DLG2: variants seen among roughly 807,000 people sequenced by gnomAD.
DLG2 encodes the protein discs large MAGUK scaffold protein 2.
A neutral mutation model predicts 132.5 loss-of-function variants in DLG2; 45 were observed. That is an observed-to-expected ratio of 0.34 (90% CI 0.27 to 0.44). The LOEUF is 0.44. Ranked by LOEUF, DLG2 falls within the 20% of genes least tolerant of loss-of-function variation. DLG2 has a pLI of 1.00. For missense variants in DLG2, 1,045 were observed against 1,196.9 expected (o/e 0.87, Z 1.87); for synonymous variants, 424 against 419.6 (o/e 1.01, Z -0.13).
intron 6 of DLG2, among the ~76,000 whole-genome samples, chr11:85,069,600 G>A (rs1228948882): frequency 6.6e-6 from 1 of 152,138 alleles, no homozygotes; most frequent in African/African-American, 2.4e-5. Context: ...AAACCACAAT[G>A]AGATACCATC....
At chr11:85,438,155 G>A (rs1272004696) in intron 3 of DLG2, among the ~76,000 whole-genome samples, 1 of 152,084 alleles carries the variant, frequency 6.6e-6, no homozygotes, top group Non-Finnish European at 1.5e-5. Context: ...TTTTAACACA[G>A]AGATCTGGTG....
chr11:84,622,325 G>T lies in DLG2; in HGVS notation c.358-87594C>A, dbSNP rs1161430612. Among the ~76,000 whole-genome samples, 5 of 152,250 alleles carry T rather than the reference G, an allele frequency of 3.3e-5. No individual in the cohort carries two copies. In the East Asian group the frequency reaches 9.7e-4, roughly 29 times the overall value. On this transcript the variant is annotated intron_variant, in intron 6 of 27. Transcript: ENST00000376104. ...CCACCAGAAAGAGTCTTTCTTGATA[G>T]GAGCATATGACTGTATAGAATGCTA... is the stretch of plus-strand genomic sequence containing the variant.
chr11:85,251,872 C>T (rs141073185), intron 4 of DLG2, among the ~76,000 whole-genome samples: 23 of 152,170 alleles, frequency 1.5e-4, no homozygotes, highest in African/African-American at 4.8e-4. Context: ...TTTTTGAACT[C>T]TAAATAAATA....
intron 4 of DLG2, among the ~76,000 whole-genome samples, chr11:85,237,035 TTCA>T (rs2075623333): frequency 6.6e-6 from 1 of 152,056 alleles, no homozygotes; most frequent in Non-Finnish European, 1.5e-5. Context: ...GAAGCCAAGC[TTCA>T]TGAGACCATA....
intron 6 of DLG2, among the ~76,000 whole-genome samples, chr11:84,974,826 C>T (rs1484598465): frequency 3.3e-5 from 5 of 152,154 alleles, no homozygotes; most frequent in Non-Finnish European, 7.4e-5. Context: ...GTGATGCATG[C>T]TAGAGTTTGA....
At chr11:84,031,263 C>T (rs565337170) in intron 11 of DLG2, among the ~76,000 whole-genome samples, 12 of 150,062 alleles carry the variant, frequency 8.0e-5, no homozygotes, top group Admixed American at 1.3e-4. Context: ...ATATAGGAAG[C>T]AAATAGGTTG....
intron 3 of DLG2, among the ~76,000 whole-genome samples, chr11:85,396,580 T>C (rs781117216): frequency 2.0e-5 from 3 of 152,106 alleles, no homozygotes; most frequent in Non-Finnish European, 4.4e-5. Context: ...GAGAAGATCT[T>C]AAATGACCTG....
intron 6 of DLG2, among the ~76,000 whole-genome samples, chr11:84,983,186 A>G (rs117478821): frequency 0.025 from 3,783 of 152,276 alleles, 72 homozygotes; most frequent in Middle Eastern, 0.044. Context: ...GCAGGAATAC[A>G]CTAGGAAAGC....
intron 6 of DLG2, among the ~76,000 whole-genome samples, chr11:84,938,501 A>C (rs1386667877): frequency 6.6e-6 from 1 of 152,200 alleles, no homozygotes; most frequent in African/African-American, 2.4e-5. Flanking sequence ...TTAGATTTTG[A>C]AAGTCTTATA....
intron 4 of DLG2, among the ~76,000 whole-genome samples, chr11:85,277,461 T>C (rs1473782338): frequency 6.6e-6 from 1 of 152,204 alleles, no homozygotes; most frequent in Non-Finnish European, 1.5e-5. Flanking sequence ...TCTAATTTCA[T>C]TATATTTGAA....
At chr11:84,238,133 T>C (rs2097182986) in intron 8 of DLG2, among the ~76,000 whole-genome samples, 1 of 148,326 alleles carries the variant, frequency 6.7e-6, no homozygotes, top group Non-Finnish European at 1.5e-5. Flanking sequence ...AGCTGCAAGG[T>C]AGCTGTCTGA....
At chr11:84,991,408 C>A (rs1244496044) in intron 6 of DLG2, among the ~76,000 whole-genome samples, 10 of 149,600 alleles carry the variant, frequency 6.7e-5, no homozygotes, top group African/African-American at 1.7e-4. Context: ...ACTCAGAAGG[C>A]TGAAGTGGGA....
chr11:83,705,785 A>T (rs561274585), intron 18 of DLG2, among the ~76,000 whole-genome samples: 9 of 152,368 alleles, frequency 5.9e-5, no homozygotes, highest in Non-Finnish European at 8.8e-5. Context: ...CTCTTCGTGA[A>T]AAAACCACAT....
intron 6 of DLG2, among the ~76,000 whole-genome samples, chr11:84,718,866 C>A (rs943376696): frequency 6.6e-6 from 1 of 152,148 alleles, no homozygotes; most frequent in African/African-American, 2.4e-5. Context: ...TCTAAGATCT[C>A]TTCGGGGTTT....
intron 6 of DLG2, among the ~76,000 whole-genome samples, chr11:85,039,289 A>G (rs2061653441): frequency 7.3e-6 from 1 of 136,386 alleles, no homozygotes; most frequent in Non-Finnish European, 1.6e-5. Context: ...ATAATTCCCC[A>G]AAGTTTGCCG....
At chr11:84,116,863 T>C (rs533668540) in intron 9 of DLG2, among the ~76,000 whole-genome samples, 1 of 152,320 alleles carries the variant, frequency 6.6e-6, no homozygotes, top group African/African-American at 2.4e-5. Flanking sequence ...CCCTACTGCT[T>C]AGGGAATAAA....
intron 15 of DLG2, among the ~76,000 whole-genome samples, chr11:83,876,365 C>A (rs1356765330): frequency 6.6e-6 from 1 of 152,056 alleles, no homozygotes; most frequent in Admixed American, 6.6e-5. Flanking sequence ...GTTAGTCATA[C>A]AGTCAGTGCC....
At chr11:84,064,973 A>G (rs1745244979) in intron 10 of DLG2, among the ~76,000 whole-genome samples, 1 of 152,142 alleles carries the variant, frequency 6.6e-6, no homozygotes, top group Non-Finnish European at 1.5e-5. Context: ...TGGGGAAAGG[A>G]CTCCCTATTC....
intron 3 of DLG2, among the ~76,000 whole-genome samples, chr11:85,305,225 T>A (rs1008681474): frequency 2.0e-5 from 3 of 152,218 alleles, no homozygotes; most frequent in Non-Finnish European, 4.4e-5. Context: ...TCTTTAAATG[T>A]CACAGGCTAT....
Sources: gnomAD v4.1 joint callset for allele counts (sites outside exome capture counted in the v4.1 genomes callset) on GRCh38, gnomAD v4.1.1 for gene constraint, MANE v1.5 for transcripts, NCBI Gene and HGNC (gene_info 2026-07-23, HGNC 2026-07-21) for gene names.